PWWP2B: variants seen among roughly 807,000 people sequenced by gnomAD.
The protein encoded by PWWP2B is PWWP domain-containing protein 2B.
A neutral mutation model predicts 15.5 loss-of-function variants in PWWP2B; 9 were observed. The observed-to-expected ratio is 0.58, with a 90% confidence interval of 0.35 to 1.02. PWWP2B has a LOEUF of 1.02. PWWP2B is among the 50% of genes least tolerant of loss of function. PWWP2B has a pLI of 0.02. For missense variants in PWWP2B, 864 were observed against 865.3 expected, an observed-to-expected ratio of 1.00 and a Z score of 0.02; for synonymous variants, 474 against 403.6, an observed-to-expected ratio of 1.17 and a Z score of -2.09.
intron 2 of PWWP2B, among the ~76,000 whole-genome samples, chr10:132,415,462 C>T (rs1316373241): frequency 1.3e-4 from 19 of 151,252 alleles, no homozygotes; most frequent in Admixed American, 5.3e-4. Flanking sequence ...CACTCACACA[C>T]GCACTCTCAC....
intron 1 of PWWP2B, 108 bp from the exon 2 acceptor site, chr10:132,404,518 C>A: frequency 4.2e-6 from 4 of 950,048 alleles, no homozygotes; most frequent in Non-Finnish European, 5.0e-6. Context: ...TGGCTCGCTG[C>A]CCAGACCTGC....
intron 2 of PWWP2B, among the ~76,000 whole-genome samples, chr10:132,415,482 A>G (rs1192254401): frequency 9.4e-6 from 1 of 106,646 alleles, no homozygotes; most frequent in Non-Finnish European, 1.9e-5. Context: ...CATTCACTCA[A>G]ACACACCCAC....
At chr10:132,415,335 CACAT>C (rs2069832263) in intron 2 of PWWP2B, among the ~76,000 whole-genome samples, 1 of 151,034 alleles carries the variant, frequency 6.6e-6, no homozygotes, top group African/African-American at 2.4e-5. Flanking sequence ...CCCCCCCACA[CACAT>C]ATCCACTCAC....
At chr10:132,416,976 C>A in intron 2 of PWWP2B, 85 bp from the exon 3 acceptor site, 1 of 1,506,870 alleles carries the variant, frequency 6.6e-7, no homozygotes, top group Non-Finnish European at 9.2e-7. Context: ...CCGGGGCACC[C>A]TGACCTGCTG....
At chr10:132,406,721 G>A (rs1456833900) in intron 2 of PWWP2B, among the ~76,000 whole-genome samples, 1 of 152,152 alleles carries the variant, frequency 6.6e-6, no homozygotes, top group African/African-American at 2.4e-5. Context: ...AGATCAGAGC[G>A]GGCATCTCCC....
chr10:132,399,781 C>G (rs896355079), intron 1 of PWWP2B, among the ~76,000 whole-genome samples: 9 of 152,222 alleles, frequency 5.9e-5, no homozygotes, highest in African/African-American at 1.9e-4. Flanking sequence ...GATTTGGGGA[C>G]ATGCTTCTGG....
At chr10:132,401,433 C>T (rs7893611) in intron 1 of PWWP2B, among the ~76,000 whole-genome samples, 34,933 of 152,160 alleles carry the variant, frequency 0.23, 4,288 homozygotes, top group East Asian at 0.36. Context: ...CTTCCCTTCC[C>T]CACAGGCAAG....
chr10:132,408,013 G>A (rs2069723692), intron 2 of PWWP2B, among the ~76,000 whole-genome samples: 1 of 152,244 alleles, frequency 6.6e-6, no homozygotes, highest in South Asian at 2.1e-4. Flanking sequence ...AGGGAGGACG[G>A]GAGGACACAG....
chr10:132,404,870 GC>G lies in PWWP2B; in HGVS notation c.375del (p.Phe126SerfsTer60). On this transcript the variant is annotated frameshift_variant, in exon 2 of 3. Coordinates refer to ENST00000305233, the MANE Select transcript of PWWP2B (RefSeq NM_138499.4). LOFTEE classifies it high-confidence loss of function. ...LPPYPPYFEG[A>X]PFPHPLWLRD... Reference sequence around the variant, plus strand: ...CCCGTACCCTCCCTACTTCGAAGGCGCCCCCTTCCCTCACCCGCTGTGGCTC... The same window carrying G: ...CCCGTACCCTCCCTACTTCGAAGGCGCCCCTTCCCTCACCCGCTGTGGCTC... The G allele has an allele frequency of 6.3e-7, 1 of 1,590,470 alleles. No individual in the cohort carries two copies. Among genetic ancestry groups the G allele is most frequent in the Non-Finnish European group, 8.5e-7 (1 of 1,175,476 alleles).
intron 1 of PWWP2B, among the ~76,000 whole-genome samples, chr10:132,398,272 T>G (rs2069564638): frequency 6.6e-6 from 1 of 152,254 alleles, no homozygotes. Context: ...TTCGCAGACG[T>G]TATCTCTTCA....
intron 1 of PWWP2B, among the ~76,000 whole-genome samples, chr10:132,402,038 G>A (rs907636512): frequency 3.9e-5 from 6 of 152,248 alleles, no homozygotes; most frequent in African/African-American, 7.2e-5. Flanking sequence ...CAGGGTCACC[G>A]GCCGTTTTTG....
rs761995871 is a variant in PWWP2B, at chr10:132,405,827, A to G, written c.1327A>G (p.Thr443Ala). The change falls in exon 2 of 3, where the codon ACG (threonine) becomes GCG (alanine). Residue 443 changes from threonine (T) to alanine (A), a missense_variant. By Grantham distance (58) the Thr-to-Ala change is moderately conservative. Transcript: ENST00000305233. ...CGGCTCGGAAGGGACGCCGGCAGAC[A>G]CGGGTGACCTCTCGCCTGGCCACGG... ...SSGSEGTPADTGDLSPGHGAS... is the reference protein window; with the variant it reads ...SSGSEGTPADAGDLSPGHGAS... The G allele has an allele frequency of 3.7e-6, 6 of 1,609,754 alleles. No individual in the cohort carries two copies. In the South Asian group the frequency reaches 6.6e-5, roughly 18 times the overall value.
chr10:132,397,494 G>C (rs2069553102), intron 1 of PWWP2B, 143 bp downstream of exon 1: 2 of 1,015,054 alleles, frequency 2.0e-6, no homozygotes, highest in Middle Eastern at 4.0e-4. Context: ...CCTGAGTTTC[G>C]GGGCGCGCGA....
At chr10:132,414,039 G>A (rs534745791) in intron 2 of PWWP2B, among the ~76,000 whole-genome samples, 1 of 152,242 alleles carries the variant, frequency 6.6e-6, no homozygotes, top group Non-Finnish European at 1.5e-5. Context: ...CCTCAGTGAC[G>A]CAGAGCAGCT....
chr10:132,405,934 G>C lies in PWWP2B; in HGVS notation c.1434G>C (p.Ser478=). The C allele has an allele frequency of 6.2e-7, 1 of 1,613,232 alleles. No homozygotes were observed. Among genetic ancestry groups the C allele is most frequent in the Non-Finnish European group, 8.5e-7 (1 of 1,180,000 alleles). The change falls in exon 2 of 3, where the codon TCG becomes TCC. Residue 478 remains serine, a synonymous_variant. Coordinates refer to ENST00000305233, the MANE Select transcript of PWWP2B (RefSeq NM_138499.4). ...TCAGGCTGCACACACAGAGCGTGTC[G>C]GAGTGCATCACGGAGGACGGCAGGA... ...LTVRLHTQSV[S]ECITEDGRTV...
intron 2 of PWWP2B, among the ~76,000 whole-genome samples, chr10:132,415,683 C>CCA (rs1382481041): frequency 7.3e-6 from 1 of 136,324 alleles, no homozygotes; most frequent in African/African-American, 3.0e-5. Context: ...ACACACATAT[C>CCA]CACACACACA....
In PWWP2B at chr10:132,404,083, T is replaced by TCCAGGGC. The variant is rs1279264273; in HGVS notation, c.126-543_126-542insCCAGGGC. 2.0e-3 allele frequency among the ~76,000 whole-genome samples: 195 copies of TCCAGGGC among 99,834 alleles called. 2 individuals are homozygous for TCCAGGGC. Among genetic ancestry groups the TCCAGGGC allele is most frequent in the Middle Eastern group, 8.8e-3 (2 of 226 alleles). The allele number at this position is 99,834 out of a possible 152,430, so 65.5% of individuals were successfully genotyped here. A position where few individuals can be genotyped will look rare whatever the true frequency, so the allele number is the denominator to read the frequency against. ...CCAGGGCTCCTGCAGGACGGCATTC[T>TCCAGGGC]TCTGGGCTCCTGCAGGGAGCTTTCT... is the stretch of plus-strand genomic sequence containing the variant. On this transcript the variant is annotated intron_variant, in intron 1 of 2. Coordinates refer to ENST00000305233, the MANE Select transcript of PWWP2B (RefSeq NM_138499.4).
At chr10:132,399,201 C>T (rs1454623103) in intron 1 of PWWP2B, among the ~76,000 whole-genome samples, 1 of 152,242 alleles carries the variant, frequency 6.6e-6, no homozygotes, top group Non-Finnish European at 1.5e-5. Context: ...GGCGTGGTGC[C>T]CGCCCTTATC....
chr10:132,407,502 T>C (rs779039271), intron 2 of PWWP2B, among the ~76,000 whole-genome samples: 31 of 152,158 alleles, frequency 2.0e-4, no homozygotes, highest in Non-Finnish European at 2.8e-4. Flanking sequence ...CTGGAGCGCC[T>C]GGTGCCCCTC....
Sources: gnomAD v4.1 joint callset for allele counts (sites outside exome capture counted in the v4.1 genomes callset) on GRCh38, gnomAD v4.1.1 for gene constraint, MANE v1.5 for transcripts, NCBI Gene and HGNC (gene_info 2026-07-23, HGNC 2026-07-21) for gene names.